Variants in DLGAP2 observed in about 807,000 individuals in gnomAD.
The protein encoded by DLGAP2 is disks large-associated protein 2.
A neutral mutation model predicts 100.3 loss-of-function variants in DLGAP2; 26 were observed. That is an observed-to-expected ratio of 0.26 (90% CI 0.19 to 0.36). The LOEUF is 0.36. Among genes scored for constraint, DLGAP2 ranks in the 10% least tolerant of loss-of-function variants. DLGAP2 has a pLI of 1.00. For missense variants in DLGAP2, 1,858 were observed against 1,453.2 expected, an observed-to-expected ratio of 1.28 and a Z score of -4.53; for synonymous variants, 886 against 630.1, an observed-to-expected ratio of 1.41 and a Z score of -6.08.
chr8:1,653,084 A>G (rs921494591), intron 8 of DLGAP2, among the ~76,000 whole-genome samples: 1 of 152,124 alleles, frequency 6.6e-6, no homozygotes, highest in Non-Finnish European at 1.5e-5. Context: ...AAACACATCT[A>G]TTTCGACGAT....
intron 6 of DLGAP2, among the ~76,000 whole-genome samples, chr8:1,603,955 C>T (rs1384107039): frequency 6.6e-6 from 1 of 152,126 alleles, no homozygotes; most frequent in African/African-American, 2.4e-5. Context: ...GCAGCTCCAA[C>T]CCCCACCTCC....
At position 747,285 on chromosome 8, in the gene DLGAP2, T is replaced by C. The variant is rs1820639591; in HGVS notation, c.18+9460T>C. 2.0e-5 allele frequency among the ~76,000 whole-genome samples: 3 copies of C among 151,936 alleles called. No individual in the cohort carries two copies. In the South Asian group the frequency reaches 6.2e-4, roughly 32 times the overall value. ...TTCATTCAGTAAAAAGACTGCAAGA[T>C]ATCATAAAGCAGACAGGGAAGGAGA... On this transcript the variant is annotated intron_variant, in intron 1 of 14. Transcript: ENST00000637795.
intron 3 of DLGAP2, among the ~76,000 whole-genome samples, chr8:1,287,775 GTGTGTCTGTGTGTA>G (rs1799973721): frequency 2.1e-5 from 1 of 48,048 alleles, no homozygotes; most frequent in Non-Finnish European, 4.2e-5. Flanking sequence ...GTGTGTGTGT[GTGTGTCTGTGTGTA>G]TGTGTGTGTG....
At chr8:950,479 A>C (rs1275947023) in intron 2 of DLGAP2, among the ~76,000 whole-genome samples, 1 of 152,212 alleles carries the variant, frequency 6.6e-6, no homozygotes, top group Non-Finnish European at 1.5e-5. Flanking sequence ...TTTGGTATAC[A>C]GGTGAGAAAA....
intron 2 of DLGAP2, among the ~76,000 whole-genome samples, chr8:1,145,716 A>ACT (rs918872545): frequency 4.8e-5 from 7 of 147,252 alleles, no homozygotes; most frequent in African/African-American, 1.8e-4. Flanking sequence ...GCACCCATTA[A>ACT]CTCGTCATTT....
At chr8:752,469 C>T (rs912376834) in intron 1 of DLGAP2, among the ~76,000 whole-genome samples, 2 of 152,164 alleles carry the variant, frequency 1.3e-5, no homozygotes, top group African/African-American at 4.8e-5. Flanking sequence ...CTCGGTCGTG[C>T]CGCCAGGCAG....
rs146687159 is a variant in DLGAP2, at chr8:1,305,955, C to T, written c.106+47072C>T. Among the ~76,000 whole-genome samples the T allele has an allele frequency of 1.1e-4, 17 of 151,698 alleles. No individual in the cohort carries two copies. In the East Asian group the frequency reaches 3.1e-3, roughly 28 times the overall value. On this transcript the variant is annotated intron_variant, in intron 3 of 14. Transcript: ENST00000637795. ...CTGTTCATTCTGATAGTATAGGGAA[C>T]AACTACTAATTTTTGCATGTAATTT...
chr8:1,104,307 G>A (rs902665524), intron 2 of DLGAP2, among the ~76,000 whole-genome samples: 2 of 151,954 alleles, frequency 1.3e-5, no homozygotes, highest in South Asian at 2.1e-4. Flanking sequence ...GGTTCCAGCC[G>A]CAGGATCAGC....
chr8:1,437,328 A>G (rs765184488), intron 3 of DLGAP2, among the ~76,000 whole-genome samples: 2 of 152,248 alleles, frequency 1.3e-5, no homozygotes, highest in African/African-American at 4.8e-5. Flanking sequence ...AGTGCGCTCC[A>G]CAATGCTCAC....
At chr8:774,088 C>G (rs1821442973) in intron 1 of DLGAP2, among the ~76,000 whole-genome samples, 1 of 152,208 alleles carries the variant, frequency 6.6e-6, no homozygotes, top group African/African-American at 2.4e-5. Flanking sequence ...TTGCATTTCT[C>G]TGATGGCCAG....
In DLGAP2 at chr8:1,700,677, G is replaced by A. The variant is rs116783551; in HGVS notation, c.2950-511G>A. Among the ~76,000 whole-genome samples the A allele has an allele frequency of 4.9e-3, 739 of 152,282 alleles. 4 individuals carry two copies. Among genetic ancestry groups the A allele is most frequent in the African/African-American group, 0.013 (542 of 41,574 alleles). ...ATCGTCCACGTCAATGGGATTTTAGGCCAATTAGCGAATCGGGCCAGTGTT... is the reference window on the plus strand; with the variant it reads ...ATCGTCCACGTCAATGGGATTTTAGACCAATTAGCGAATCGGGCCAGTGTT... On this transcript the variant is annotated intron_variant, in intron 14 of 14. Coordinates refer to ENST00000637795, the MANE Select transcript of DLGAP2 (RefSeq NM_001346810.2).
rs36027314 is a variant in DLGAP2, at chr8:1,105,618, G to GTT, written c.74-153220_74-153219dup. 6.4e-5 allele frequency among the ~76,000 whole-genome samples: 9 copies of GTT among 140,266 alleles called. No individual in the cohort carries two copies. The South Asian group carries it at 1.6e-3, about 25-fold the overall frequency. The allele number at this position is 140,266 out of a possible 152,430, so 92.0% of individuals were successfully genotyped here. A position where few individuals can be genotyped will look rare whatever the true frequency, so the allele number is the denominator to read the frequency against. On this transcript the variant is annotated intron_variant, in intron 2 of 14. Transcript: ENST00000637795. ...TTCTATTGAAGGGAGCCATTCTAGGGTTTTTTTTTTTTTTACTGAAGGGAG... is the reference window on the plus strand; with the variant it reads ...TTCTATTGAAGGGAGCCATTCTAGGGTTTTTTTTTTTTTTTTACTGAAGGGAG...
chr8:1,408,723 C>G (rs1355254108), intron 3 of DLGAP2, among the ~76,000 whole-genome samples: 1 of 152,154 alleles, frequency 6.6e-6, no homozygotes, highest in Non-Finnish European at 1.5e-5. Flanking sequence ...AGAGGGTTTT[C>G]TGGTGAAAGC....
At chr8:1,349,699 C>T in intron 3 of DLGAP2, among the ~76,000 whole-genome samples, 1 of 146,484 alleles carries the variant, frequency 6.8e-6, no homozygotes, top group Non-Finnish European at 1.5e-5. Flanking sequence ...TGCCCACATC[C>T]ACGCATGTCA....
chr8:1,590,655 T>A (rs961425782), intron 6 of DLGAP2, among the ~76,000 whole-genome samples: 1 of 152,258 alleles, frequency 6.6e-6, no homozygotes, highest in African/African-American at 2.4e-5. Context: ...AAATTCCACT[T>A]TAATTTCATG....
intron 2 of DLGAP2, among the ~76,000 whole-genome samples, chr8:1,090,409 G>A (rs1156512982): frequency 6.6e-6 from 1 of 152,218 alleles, no homozygotes; most frequent in African/African-American, 2.4e-5. Context: ...TCTGCACTCT[G>A]GGGCCCTCCT....
At chr8:1,471,654 C>A (rs951226648) in intron 3 of DLGAP2, among the ~76,000 whole-genome samples, 4 of 151,428 alleles carry the variant, frequency 2.6e-5, no homozygotes, top group African/African-American at 9.8e-5. Context: ...AAACAACCAC[C>A]CCACACACCT....
chr8:1,229,361 C>T (rs1317676733), intron 2 of DLGAP2, among the ~76,000 whole-genome samples: 2 of 151,590 alleles, frequency 1.3e-5, no homozygotes, highest in African/African-American at 4.9e-5. Context: ...TGTTCTGAAG[C>T]TTTTTTAAGT....
chr8:1,190,526 C>G (rs78952705), intron 2 of DLGAP2, among the ~76,000 whole-genome samples: 5,192 of 152,196 alleles, frequency 0.034, 126 homozygotes, highest in East Asian at 0.16. Flanking sequence ...CCGTCCCGTT[C>G]GACGCCTCTG....
Sources: gnomAD v4.1 joint callset for allele counts (sites outside exome capture counted in the v4.1 genomes callset) on GRCh38, gnomAD v4.1.1 for gene constraint, MANE v1.5 for transcripts, NCBI Gene and HGNC (gene_info 2026-07-23, HGNC 2026-07-21) for gene names.